Variants in NME9 observed in about 807,000 individuals in gnomAD.
The protein encoded by NME9 is NME/NM23 family member 9, also known as thioredoxin domain-containing protein 6.
In NME9, 48 loss-of-function variants were observed where a neutral mutation model predicts 44.4. That is an observed-to-expected ratio of 1.08 (90% CI 0.86 to 1.37). The LOEUF (loss-of-function observed/expected upper bound fraction) is 1.37. NME9 is among the 40% of genes most tolerant of loss of function. NME9 has a pLI of 0.00. For synonymous variants in NME9, 139 were observed against 147.1 expected (o/e 0.94, Z 0.40); for missense variants, 325 against 405.2 (o/e 0.80, Z 1.70).
At chr3:138,271,782 G>T (rs972900561) in intron 8 of NME9, among the ~76,000 whole-genome samples, 6 of 146,090 alleles carry the variant, frequency 4.1e-5, no homozygotes, top group African/African-American at 1.6e-4. Context: ...TAGTTCACAA[G>T]ATTTTTTTTT....
intron 5 of NME9, 139 bp from the exon 6 acceptor site, chr3:138,314,546 C>T (rs1459053617): frequency 7.0e-6 from 4 of 573,974 alleles, no homozygotes; most frequent in African/African-American, 3.9e-5. Flanking sequence ...GTCTTGGAAA[C>T]TTTACAGGAC....
intron 8 of NME9, among the ~76,000 whole-genome samples, chr3:138,281,050 A>G (rs147825046): frequency 6.0e-4 from 91 of 152,314 alleles, no homozygotes; most frequent in Non-Finnish European, 9.4e-4. Flanking sequence ...AAGCAACTAT[A>G]GACAATACAT....
At chr3:138,315,887 A>G (rs2053044841) in intron 4 of NME9, among the ~76,000 whole-genome samples, 1 of 151,958 alleles carries the variant, frequency 6.6e-6, no homozygotes, top group South Asian at 2.1e-4. Flanking sequence ...GCTGGAGTGC[A>G]GTGGCGTGAC....
chr3:138,271,910 C>G (rs149943007), intron 8 of NME9, among the ~76,000 whole-genome samples: 9 of 151,816 alleles, frequency 5.9e-5, no homozygotes, highest in Non-Finnish European at 7.4e-5. Flanking sequence ...ATTCTTGTGC[C>G]TCAACCTCCT....
intron 8 of NME9, chr3:138,274,464 A>G (rs749441650): frequency 6.2e-7 from 1 of 1,602,500 alleles, no homozygotes; most frequent in East Asian, 2.2e-5. Context: ...AGATAAAATA[A>G]TGAGTACTCA....
At chr3:138,328,047 G>A (rs534739796) in intron 1 of NME9, among the ~76,000 whole-genome samples, 15 of 152,246 alleles carry the variant, frequency 9.9e-5, no homozygotes, top group African/African-American at 2.9e-4. Context: ...TAAAGGATAC[G>A]GAGGCCAGAG....
chr3:138,307,973 G>A (rs746617044), intron 6 of NME9, among the ~76,000 whole-genome samples: 4 of 152,148 alleles, frequency 2.6e-5, no homozygotes, highest in Non-Finnish European at 5.9e-5. Context: ...GCTGCAGGTC[G>A]GGGCATGAAT....
chr3:138,308,547 G>A (rs956407357), intron 6 of NME9, among the ~76,000 whole-genome samples: 2 of 152,192 alleles, frequency 1.3e-5, no homozygotes, highest in Non-Finnish European at 2.9e-5. Flanking sequence ...AGGGCTCTGG[G>A]AAGGAAAGGT....
At chr3:138,329,179 T>G in intron 1 of NME9, 124 bp downstream of exon 1, 4 of 860,366 alleles carry the variant, frequency 4.6e-6, no homozygotes, top group Non-Finnish European at 7.2e-6. Flanking sequence ...CACTCAAGTT[T>G]GAGAACACTG....
rs149749519 is a variant in NME9, at chr3:138,267,874, A to G, written c.746-5288T>C. Reference sequence around the variant, plus strand: ...GGTTTATTGTGCATTTAGTTGTCCCATTTGTGTTGAATTTATTTGCTGCAT... The same window carrying G: ...GGTTTATTGTGCATTTAGTTGTCCCGTTTGTGTTGAATTTATTTGCTGCAT... On this transcript the variant is annotated intron_variant, in intron 8 of 8. Transcript: ENST00000317876. Among the ~76,000 whole-genome samples, 44 of 152,270 alleles carry G rather than the reference A, an allele frequency of 2.9e-4. 2 individuals are homozygous for G. In the East Asian group the frequency reaches 7.3e-3, roughly 25 times the overall value.
intron 8 of NME9, among the ~76,000 whole-genome samples, chr3:138,273,396 T>G (rs1431371032): frequency 6.6e-6 from 1 of 152,182 alleles, no homozygotes; most frequent in Non-Finnish European, 1.5e-5. Context: ...CTACCTTGAT[T>G]TGTTACTTTT....
chr3:138,306,462 C>A lies in NME9; in HGVS notation c.479G>T (p.Cys160Phe). The change falls in exon 7 of 11, where the codon TGT becomes TTT. Residue 160 changes from cysteine (C) to phenylalanine (F), a missense_variant. Cys to Phe is a radical substitution (Grantham distance 205). Coordinates refer to ENST00000333911, the MANE Select transcript of NME9 (RefSeq NM_001349018.2). Reference sequence around the variant, plus strand: ...ATCTGGTTTAATGATGGCCAAGGTACAGGTCCTCTCTGATGAAACTAAGCC... The same window carrying A: ...ATCTGGTTTAATGATGGCCAAGGTAAAGGTCCTCTCTGATGAAACTAAGCC... ...DEDMVSSERT[C>F]TLAIIKPDAV... The A allele has an allele frequency of 6.2e-7, 1 of 1,609,950 alleles. No individual in the cohort carries two copies. Among genetic ancestry groups the A allele is most frequent in the Admixed American group, 1.7e-5 (1 of 59,166 alleles).
rs763731595 is a variant in NME9, at chr3:138,303,622, T to C, written c.813A>G (p.Thr271=). 3.6e-5 allele frequency: 58 copies of C among 1,612,686 alleles called. No individual in the cohort carries two copies. The highest frequency in any genetic ancestry group is 4.8e-5 in the Non-Finnish European group (57 of 1,178,794). The stretch of plus-strand genomic sequence containing the variant: ...CATGGACGGCATTGAAGGGCATTTC[T>C]GTGCCGTACTGAGCTCGGAGACTGG... ...QPESLRAQYG[T]EMPFNAVHGS... The change falls in exon 10 of 11, where the codon ACA becomes ACG. Residue 271 remains threonine, a synonymous_variant. Coordinates refer to ENST00000333911, the MANE Select transcript of NME9 (RefSeq NM_001349018.2).
At chr3:138,320,694 T>C in intron 2 of NME9, among the ~76,000 whole-genome samples, 1 of 152,066 alleles carries the variant, frequency 6.6e-6, no homozygotes, top group Admixed American at 6.5e-5. Context: ...CACTGGGCAT[T>C]GTAGAGAGCC....
intron 8 of NME9, among the ~76,000 whole-genome samples, chr3:138,264,609 G>A (rs375721206): frequency 6.6e-5 from 10 of 151,174 alleles, no homozygotes; most frequent in East Asian, 1.9e-4. Flanking sequence ...TAGTAGAGGC[G>A]GGGTTTCACC....
intron 2 of NME9, 166 bp downstream of exon 2, chr3:138,324,702 ACACAC>A: frequency 6.2e-6 from 1 of 162,568 alleles, no homozygotes; most frequent in Non-Finnish European, 1.3e-5. Context: ...ATACACACAC[ACACAC>A]ACACACACAC....
chr3:138,285,888 C>A (rs768150599), intron 8 of NME9, among the ~76,000 whole-genome samples: 1 of 152,174 alleles, frequency 6.6e-6, no homozygotes, highest in Non-Finnish European at 1.5e-5. Flanking sequence ...AAAAGTTTTC[C>A]TTAACTTCTC....
At chr3:138,315,091 C>A (rs1411274266) in intron 5 of NME9, among the ~76,000 whole-genome samples, 1 of 152,136 alleles carries the variant, frequency 6.6e-6, no homozygotes, top group South Asian at 2.1e-4. Flanking sequence ...TAATGACAGA[C>A]CTTAATTTCT....
Position 138,303,456 on chromosome 3 carries a change from A to G in NME9, c.928+51T>C, listed in dbSNP as rs139283041. 6.1e-6 allele frequency: 9 copies of G among 1,471,460 alleles called. No homozygotes were observed. The African/African-American group carries it at 1.1e-4, about 18-fold the overall frequency. The allele number at this position is 1,471,460 out of a possible 1,614,324, so 91.2% of individuals were successfully genotyped here. A position where few individuals can be genotyped will look rare whatever the true frequency, so the allele number is the denominator to read the frequency against. The stretch of plus-strand genomic sequence containing the variant: ...CACACACTCAAGCACATAGTTACAA[A>G]TTCCTTGTATCTATGATTTAATAAA... On this transcript the variant is annotated intron_variant, in intron 10 of 10. Coordinates refer to ENST00000333911, the MANE Select transcript of NME9 (RefSeq NM_001349018.2).
Sources: allele counts gnomAD v4.1 joint callset (sites outside exome capture counted in the v4.1 genomes callset), GRCh38; gene constraint gnomAD v4.1.1; transcripts MANE v1.5; gene names NCBI Gene and HGNC (gene_info 2026-07-23, HGNC 2026-07-21).